The following FBXL17 variants were observed in gnomAD, a reference collection of about 807,000 sequenced individuals.
FBXL17 encodes the protein F-box/LRR-repeat protein 17.
A neutral mutation model predicts 66.2 loss-of-function variants in FBXL17; 22 were observed. That is an observed-to-expected ratio of 0.33 (90% confidence interval 0.24 to 0.47). The LOEUF (loss-of-function observed/expected upper bound fraction) is 0.47, where lower values mean the gene tolerates loss of function less well. FBXL17 is among the 20% of genes least tolerant of loss of function. FBXL17 has a pLI of 1.00. For missense variants in FBXL17, 878 were observed against 948.2 expected (o/e 0.93, Z 0.97); for synonymous variants, 474 against 400.5 (o/e 1.18, Z -2.19).
At chr5:107,880,280 T>C (rs1289376661) in intron 8 of FBXL17, 3 of 754,828 alleles carry the variant, frequency 4.0e-6, no homozygotes, top group Non-Finnish European at 3.2e-6. Flanking sequence ...GGTTTTCCCA[T>C]GTTGTCCAGG....
intron 6 of FBXL17, among the ~76,000 whole-genome samples, chr5:108,093,235 A>G (rs75206422): frequency 4.6e-5 from 7 of 152,014 alleles, no homozygotes; most frequent in African/African-American, 1.2e-4. Flanking sequence ...TATGTGCCAT[A>G]ACCTACTGTT....
chr5:108,267,295 T>C (rs1757082996), intron 4 of FBXL17, among the ~76,000 whole-genome samples: 1 of 152,072 alleles, frequency 6.6e-6, no homozygotes, highest in Non-Finnish European at 1.5e-5. Flanking sequence ...AATCTAAATT[T>C]AGAAAACTCA....
intron 7 of FBXL17, among the ~76,000 whole-genome samples, chr5:107,957,613 T>A (rs1435217512): frequency 6.6e-6 from 1 of 152,144 alleles, no homozygotes; most frequent in Non-Finnish European, 1.5e-5. Context: ...CACATACTAT[T>A]TTTCCAACTA....
rs1346422716 is a variant in FBXL17, at chr5:108,013,268, G to C, written c.1822+7657C>G. ...TACCATGGGAATGCTGAATAAGACAGGAAAAGTCACAACAAAAATTGGAAC... is the reference window on the plus strand; with the variant it reads ...TACCATGGGAATGCTGAATAAGACACGAAAAGTCACAACAAAAATTGGAAC... On this transcript the variant is annotated intron_variant, in intron 7 of 8. Transcript: ENST00000542267. Among the ~76,000 whole-genome samples the C allele has an allele frequency of 6.6e-5, 10 of 152,158 alleles. No individual in the cohort carries two copies. The South Asian group carries it at 1.9e-3, about 28-fold the overall frequency.
intron 7 of FBXL17, among the ~76,000 whole-genome samples, chr5:107,904,191 G>T (rs1322593182): frequency 1.3e-5 from 2 of 152,082 alleles, no homozygotes; most frequent in Non-Finnish European, 2.9e-5. Flanking sequence ...TCACTCTTTT[G>T]TCTCTAAACC....
chr5:108,164,609 AATTATC>A (rs1254678146), intron 6 of FBXL17, among the ~76,000 whole-genome samples: 1 of 152,086 alleles, frequency 6.6e-6, no homozygotes, highest in African/African-American at 2.4e-5. Context: ...TAATAATAAT[AATTATC>A]ATTATTATAA....
intron 4 of FBXL17, among the ~76,000 whole-genome samples, chr5:108,338,414 G>A (rs1456009550): frequency 6.6e-6 from 1 of 152,012 alleles, no homozygotes; most frequent in Non-Finnish European, 1.5e-5. Flanking sequence ...TTATTTATAT[G>A]TTTTATTAAA....
intron 6 of FBXL17, among the ~76,000 whole-genome samples, chr5:108,152,293 C>G (rs1183350339): frequency 2.0e-5 from 3 of 152,200 alleles, no homozygotes; most frequent in East Asian, 1.9e-4. Context: ...TAATCCTCCA[C>G]TATTATGCAA....
intron 7 of FBXL17, among the ~76,000 whole-genome samples, chr5:107,895,912 T>A (rs1749365236): frequency 6.6e-6 from 1 of 152,164 alleles, no homozygotes; most frequent in Non-Finnish European, 1.5e-5. Flanking sequence ...TTCTGGCACT[T>A]TCTCTCTGTC....
intron 6 of FBXL17, among the ~76,000 whole-genome samples, chr5:108,138,609 T>A (rs1156520456): frequency 6.6e-6 from 1 of 152,186 alleles, no homozygotes; most frequent in African/African-American, 2.4e-5. Context: ...TAAAGAAAGT[T>A]TAATTTTTCC....
chr5:108,326,745 A>G (rs1759875608), intron 4 of FBXL17, among the ~76,000 whole-genome samples: 1 of 152,200 alleles, frequency 6.6e-6, no homozygotes, highest in Non-Finnish European at 1.5e-5. Context: ...ACTCACTGAG[A>G]GTCAAAACCA....
chr5:108,162,862 T>C (rs1387344708), intron 6 of FBXL17, among the ~76,000 whole-genome samples: 1 of 152,160 alleles, frequency 6.6e-6, no homozygotes, highest in Non-Finnish European at 1.5e-5. Flanking sequence ...TTATTCTGTA[T>C]TGATGTGCAG....
intron 6 of FBXL17, among the ~76,000 whole-genome samples, chr5:108,023,424 T>C (rs1459871255): frequency 1.3e-5 from 2 of 152,126 alleles, no homozygotes; most frequent in East Asian, 3.9e-4. Flanking sequence ...GAATTGAAAA[T>C]GGAAGTGGTT....
Position 108,155,194 on chromosome 5 carries a change from A to T in FBXL17, c.1745+30923T>A, listed in dbSNP as rs149697408. On this transcript the variant is annotated intron_variant, in intron 6 of 8. Transcript: ENST00000542267. ...TATAATACATACAGCAGGTTCTTACAGCTGTTTGTGGTTTCCGATGAGAGA... is the reference window on the plus strand; with the variant it reads ...TATAATACATACAGCAGGTTCTTACTGCTGTTTGTGGTTTCCGATGAGAGA... Among the ~76,000 whole-genome samples the T allele has an allele frequency of 4.1e-3, 622 of 152,206 alleles. 2 individuals carry two copies. Among genetic ancestry groups the T allele is most frequent in the African/African-American group, 0.014 (593 of 41,530 alleles).
chr5:107,894,702 G>A (rs1441972908), intron 7 of FBXL17, among the ~76,000 whole-genome samples: 2 of 152,020 alleles, frequency 1.3e-5, no homozygotes, highest in East Asian at 3.9e-4. Context: ...ATACATGTGT[G>A]AGATTTATAC....
chr5:108,360,727 T>C (rs567062819), intron 3 of FBXL17, among the ~76,000 whole-genome samples: 2 of 152,126 alleles, frequency 1.3e-5, no homozygotes, highest in Non-Finnish European at 2.9e-5. Context: ...TGAATGTTTT[T>C]CTGCTTGATG....
intron 4 of FBXL17, among the ~76,000 whole-genome samples, chr5:108,241,818 C>A (rs1027013029): frequency 2.0e-5 from 3 of 152,058 alleles, no homozygotes; most frequent in Non-Finnish European, 4.4e-5. Flanking sequence ...ACGTCCGTAA[C>A]AGACTTTTCA....
chr5:107,949,295 C>G (rs564411697), intron 7 of FBXL17, among the ~76,000 whole-genome samples: 1 of 151,866 alleles, frequency 6.6e-6, no homozygotes, highest in Non-Finnish European at 1.5e-5. Flanking sequence ...ATTCTAGGTA[C>G]CATATCTTAA....
intron 4 of FBXL17, chr5:108,298,010 C>T: frequency 3.0e-6 from 3 of 984,654 alleles, no homozygotes; most frequent in Non-Finnish European, 3.6e-6. Flanking sequence ...AAGCTACAGT[C>T]ACCAAAAGCA....
Sources: gnomAD v4.1 joint callset for allele counts (sites outside exome capture counted in the v4.1 genomes callset) on GRCh38, gnomAD v4.1.1 for gene constraint, MANE v1.5 for transcripts, NCBI Gene and HGNC (gene_info 2026-07-23, HGNC 2026-07-21) for gene names.